Variants in EVI5 observed in about 807,000 individuals in gnomAD.
The protein encoded by EVI5 is ecotropic viral integration site 5.
EVI5 carries 73 observed loss-of-function variants against 112.0 expected under a neutral mutation model. The observed-to-expected ratio is 0.65, with a 90% CI of 0.54 to 0.79. The LOEUF (loss-of-function observed/expected upper bound fraction) is 0.79, where lower values mean the gene tolerates loss of function less well. Among genes scored for constraint, EVI5 ranks in the 30% least tolerant of loss-of-function variants. The pLI is 0.00. For missense variants in EVI5, 900 were observed against 968.8 expected (o/e 0.93, Z 0.94); for synonymous variants, 305 against 319.9 (o/e 0.95, Z 0.50).
chr1:92,750,285 C>A (rs1000207807), intron 1 of EVI5, among the ~76,000 whole-genome samples: 10 of 151,838 alleles, frequency 6.6e-5, no homozygotes, highest in African/African-American at 2.4e-4. Context: ...CTAGAAGAGC[C>A]GAAGACATTA....
At chr1:92,565,046 G>A (rs1036172900) in intron 18 of EVI5, among the ~76,000 whole-genome samples, 1 of 152,148 alleles carries the variant, frequency 6.6e-6, no homozygotes, top group Non-Finnish European at 1.5e-5. Flanking sequence ...TTTATAATTA[G>A]GAAGCCATGT....
At position 92,738,212 on chromosome 1, in the gene EVI5, G is replaced by A. The variant is rs544677137; in HGVS notation, c.-81-1585C>T. Among the ~76,000 whole-genome samples, 3 of 152,176 alleles carry A rather than the reference G, an allele frequency of 2.0e-5. No individual in the cohort carries two copies. In the East Asian group the frequency reaches 5.8e-4, roughly 29 times the overall value. On this transcript the variant is annotated intron_variant, in intron 1 of 19. Transcript: ENST00000684568. ...CACGAAATGACAGAAGCCATAGTAG[G>A]CACTAAGATAGCCTACTGTGTGATT...
intron 3 of EVI5, 29 bp downstream of exon 3, chr1:92,704,526 A>T (rs767790165): frequency 7.0e-7 from 1 of 1,430,810 alleles, no homozygotes; most frequent in Admixed American, 2.2e-5. Flanking sequence ...TGGAATAAGA[A>T]TAAGAACTTC....
intron 10 of EVI5, among the ~76,000 whole-genome samples, chr1:92,676,945 A>C (rs1464893126): frequency 6.6e-6 from 1 of 152,206 alleles, no homozygotes; most frequent in Admixed American, 6.5e-5. Context: ...GCCACCAACA[A>C]ATCTAGAAAA....
chr1:92,601,798 A>G (rs1649234789), intron 18 of EVI5, among the ~76,000 whole-genome samples: 1 of 152,222 alleles, frequency 6.6e-6, no homozygotes, highest in Non-Finnish European at 1.5e-5. Flanking sequence ...CATTTTAAAC[A>G]AAAATCCTGC....
chr1:92,593,466 T>C lies in EVI5; in HGVS notation c.2070+11841A>G, dbSNP rs566722256. Among the ~76,000 whole-genome samples, 24 of 152,194 alleles carry C rather than the reference T, an allele frequency of 1.6e-4. No homozygotes were observed. In the South Asian group the frequency reaches 3.3e-3, roughly 21 times the overall value. ...TGACAAACCCACAGCCAATATCATATTGAATGGGCAAAAACTGGAAGCATT... is the reference window on the plus strand; with the variant it reads ...TGACAAACCCACAGCCAATATCATACTGAATGGGCAAAAACTGGAAGCATT... On this transcript the variant is annotated intron_variant, in intron 18 of 19. Coordinates refer to ENST00000684568, the MANE Select transcript of EVI5 (RefSeq NM_001350197.2).
Position 92,736,590 on chromosome 1 carries a change from G to C in EVI5, c.-44C>G. The C allele has an allele frequency of 6.2e-7, 1 of 1,614,012 alleles. No individual in the cohort carries two copies. The highest frequency in any genetic ancestry group is 8.5e-7 in the Non-Finnish European group (1 of 1,179,898). On this transcript the variant is annotated 5_prime_UTR_variant, in exon 2 of 20. It introduces an in-frame stop codon into an upstream open reading frame of the 5' UTR. Coordinates refer to ENST00000684568, the MANE Select transcript of EVI5 (RefSeq NM_001350197.2). ...TACTGTGTTCTTCACCCATGAGAGA[G>C]TAGAGCTCAGCTTTTCTGCAACTTT... is the stretch of plus-strand genomic sequence containing the variant.
intron 10 of EVI5, among the ~76,000 whole-genome samples, chr1:92,667,188 G>T (rs1300881203): frequency 6.6e-6 from 1 of 152,164 alleles, no homozygotes; most frequent in East Asian, 1.9e-4. Flanking sequence ...AGGAGGCTCA[G>T]GGGGAAGACG....
At chr1:92,569,406 A>T (rs1669967285) in intron 18 of EVI5, among the ~76,000 whole-genome samples, 1 of 152,188 alleles carries the variant, frequency 6.6e-6, no homozygotes, top group Admixed American at 6.5e-5. Flanking sequence ...GATAATTTAA[A>T]TGGGAACTAC....
chr1:92,721,205 C>T (rs183304101), intron 2 of EVI5, among the ~76,000 whole-genome samples: 7 of 152,284 alleles, frequency 4.6e-5, no homozygotes, highest in Admixed American at 4.6e-4. Context: ...ATAAATCATG[C>T]TACTATAAAG....
Position 92,513,440 on chromosome 1 carries a change from G to T in EVI5, c.*216C>A. ...TGTTTTACACATTAACCATATACCA[G>T]TCTACTTTATGGCAATGGTAAATCA... On this transcript the variant is annotated 3_prime_UTR_variant, in exon 20 of 20. Coordinates refer to ENST00000684568, the MANE Select transcript of EVI5 (RefSeq NM_001350197.2). The T allele has an allele frequency of 5.3e-6, 1 of 189,274 alleles. No individual in the cohort carries two copies. 11.7% of individuals were successfully genotyped at this position (189,274 alleles called of 1,614,324 possible). A position where few individuals can be genotyped will look rare whatever the true frequency, so the allele number is the denominator to read the frequency against.
chr1:92,697,512 A>AG (rs1202166352), intron 6 of EVI5, among the ~76,000 whole-genome samples: 2 of 152,230 alleles, frequency 1.3e-5, no homozygotes, highest in African/African-American at 2.4e-5. Context: ...AAGTAAATGG[A>AG]CTGATGTCAG....
chr1:92,670,499 T>G (rs1665688679), intron 10 of EVI5, among the ~76,000 whole-genome samples: 1 of 152,150 alleles, frequency 6.6e-6, no homozygotes, highest in African/African-American at 2.4e-5. Context: ...TGCCCTTCTC[T>G]CCCTTCGTAG....
chr1:92,617,512 C>T (rs1653476690), intron 16 of EVI5, among the ~76,000 whole-genome samples: 1 of 152,174 alleles, frequency 6.6e-6, no homozygotes, highest in Admixed American at 6.5e-5. Flanking sequence ...TCTGAGGACA[C>T]CACTCAGCCT....
chr1:92,622,363 A>G (rs1470524942), intron 16 of EVI5: 2 of 422,422 alleles, frequency 4.7e-6, no homozygotes, highest in Non-Finnish European at 9.4e-6. Context: ...TTGATAGCAG[A>G]CACAAACACA....
intron 19 of EVI5, among the ~76,000 whole-genome samples, chr1:92,543,240 T>C (rs774517556): frequency 6.6e-6 from 1 of 152,242 alleles, no homozygotes; most frequent in Non-Finnish European, 1.5e-5. Context: ...GATAACTTGC[T>C]GCAGTTTCTA....
intron 1 of EVI5, among the ~76,000 whole-genome samples, chr1:92,753,459 A>G (rs1680493277): frequency 1.3e-5 from 2 of 152,226 alleles, no homozygotes; most frequent in African/African-American, 4.8e-5. Flanking sequence ...AAAACAAGTA[A>G]AACAAATGAA....
rs962245055 is a variant in EVI5, at chr1:92,539,499, T to C, written c.2166+24143A>G. Among the ~76,000 whole-genome samples the C allele has an allele frequency of 9.4e-4, 135 of 143,710 alleles. 5 individuals carry two copies. The highest frequency in any genetic ancestry group is 3.0e-4 in the Non-Finnish European group (20 of 66,954). 94.3% of individuals were successfully genotyped at this position (143,710 alleles called of 152,430 possible). A position where few individuals can be genotyped will look rare whatever the true frequency, so the allele number is the denominator to read the frequency against. ...CGGAACTAGTAGTGAGACGAGATCA[T>C]GCCACTGTGCTGCAGCCTGGGCGAC... On this transcript the variant is annotated intron_variant, in intron 19 of 19. Coordinates refer to ENST00000684568, the MANE Select transcript of EVI5 (RefSeq NM_001350197.2).
At chr1:92,736,724 C>G in intron 1 of EVI5, 97 bp from the exon 2 acceptor site, 1 of 836,432 alleles carries the variant, frequency 1.2e-6, no homozygotes, top group East Asian at 2.4e-5. Flanking sequence ...TAACCATCAT[C>G]AGAATATTCT....
Sources: gnomAD v4.1 joint callset for allele counts (sites outside exome capture counted in the v4.1 genomes callset) on GRCh38, gnomAD v4.1.1 for gene constraint, MANE v1.5 for transcripts, NCBI Gene and HGNC (gene_info 2026-07-23, HGNC 2026-07-21) for gene names.